GRIN1: variants seen among roughly 807,000 people sequenced by gnomAD.
GRIN1 encodes glutamate ionotropic receptor NMDA type subunit 1.
GRIN1 carries 38 observed loss-of-function variants against 103.0 expected under a neutral mutation model. That is an observed-to-expected ratio of 0.37 (90% CI 0.28 to 0.48). The LOEUF (loss-of-function observed/expected upper bound fraction) is 0.48. GRIN1 is among the 20% of genes least tolerant of loss of function. The probability of loss-of-function intolerance (pLI) is 0.98; values close to 1 mark genes in which losing one functional copy is unlikely to be tolerated. For missense variants in GRIN1, 577 were observed against 1,288.9 expected (o/e 0.45, Z 8.46); for synonymous variants, 544 against 532.7 (o/e 1.02, Z -0.29).
In GRIN1 at chr9:137,162,579, G is replaced by C; in HGVS notation, c.1865-12G>C. On this transcript the variant is annotated splice_polypyrimidine_tract_variant and intron_variant, in intron 13 of 19. Coordinates refer to ENST00000371561, the MANE Select transcript of GRIN1 (RefSeq NM_007327.4). ...CCTCTAGGGTCTGACAGAGCCCCCCGCCCGCCCACAGGCGCCCCCAGAAGC... is the reference window on the plus strand; with the variant it reads ...CCTCTAGGGTCTGACAGAGCCCCCCCCCCGCCCACAGGCGCCCCCAGAAGC... 6.2e-7 allele frequency: 1 copy of C among 1,611,374 alleles called. No homozygotes were observed.
intron 2 of GRIN1, among the ~76,000 whole-genome samples, chr9:137,144,389 TCACG>T (rs1467438757): frequency 2.0e-5 from 3 of 147,396 alleles, no homozygotes; most frequent in African/African-American, 7.6e-5. Context: ...GCGCGGTGGC[TCACG>T]CCTGTAATCC....
intron 4 of GRIN1, among the ~76,000 whole-genome samples, chr9:137,154,347 A>G (rs1407281990): frequency 1.4e-5 from 2 of 147,224 alleles, no homozygotes; most frequent in Admixed American, 1.4e-4. Context: ...CTGGTCTCGA[A>G]CTCCTGGCCT....
intron 3 of GRIN1, chr9:137,148,052 G>A (rs1307963815): frequency 1.5e-5 from 11 of 742,396 alleles, no homozygotes; most frequent in South Asian, 6.7e-5. Flanking sequence ...GTCTGCAGAC[G>A]TGCCGAGGAG....
intron 4 of GRIN1, among the ~76,000 whole-genome samples, chr9:137,153,548 C>T (rs575428102): frequency 1.3e-5 from 2 of 152,196 alleles, no homozygotes; most frequent in South Asian, 2.1e-4. Context: ...TACACACATG[C>T]ACCATGCATA....
rs983954850 is a variant in GRIN1 at position 137,149,020 on chromosome 9, G to T, written c.582G>T (p.Val194=). ...TGCTCACACCGCAGGCAGAGAAGGT[G>T]CTGCAGTTTGACCCAGGGACCAAGA... is the stretch of plus-strand genomic sequence containing the variant. ...LEERESKAEK[V]LQFDPGTKNV... Residue 194 remains valine (V), a synonymous_variant, in exon 4 of 20, where the codon GTG becomes GTT. Coordinates refer to ENST00000371561, the MANE Select transcript of GRIN1 (RefSeq NM_007327.4). 1 of 1,612,098 alleles carries T rather than the reference G, an allele frequency of 6.2e-7. No individual in the cohort carries two copies. The highest frequency in any genetic ancestry group is 1.1e-5 in the South Asian group (1 of 90,850).
chr9:137,163,036 G>A (rs1287064777), intron 15 of GRIN1, 33 bp downstream of exon 15: 3 of 1,518,660 alleles, frequency 2.0e-6, no homozygotes, highest in Non-Finnish European at 2.7e-6. Context: ...GGCGGGGCGG[G>A]ACAGGTGCGG....
intron 18 of GRIN1, 168 bp downstream of exon 18, chr9:137,164,072 C>T (rs1833721119): frequency 6.1e-6 from 5 of 820,064 alleles, no homozygotes; most frequent in Non-Finnish European, 1.0e-5. Context: ...GGGGCAGCAC[C>T]GGTGGGGGGC....
chr9:137,168,745 G>C lies in GRIN1; in HGVS notation c.*1218G>C. The C allele has an allele frequency of 1.2e-6, 1 of 820,330 alleles. No individual in the cohort carries two copies. Among genetic ancestry groups the C allele is most frequent in the Non-Finnish European group, 1.6e-6 (1 of 622,342 alleles). The allele number at this position is 820,330 out of a possible 1,614,324, so 50.8% of individuals were successfully genotyped here. A position where few individuals can be genotyped will look rare whatever the true frequency, so the allele number is the denominator to read the frequency against. ...GTGTATGCAGTGGTGATGCCTAAAGGAATGTCACGCAGTTTTCGGTCTGTG... is the reference window on the plus strand; with the variant it reads ...GTGTATGCAGTGGTGATGCCTAAAGCAATGTCACGCAGTTTTCGGTCTGTG... On this transcript the variant is annotated 3_prime_UTR_variant, in exon 20 of 20. Transcript: ENST00000371561.
chr9:137,144,438 A>G (rs566070686), intron 2 of GRIN1, among the ~76,000 whole-genome samples: 1 of 151,518 alleles, frequency 6.6e-6, no homozygotes, highest in East Asian at 2.0e-4. Flanking sequence ...GCGGATCACG[A>G]GGTCAGGAGA....
chr9:137,156,994 G>A lies in GRIN1; in HGVS notation c.925G>A (p.Val309Met). 6.2e-7 allele frequency: 1 copy of A among 1,612,244 alleles called. No homozygotes were observed. The highest frequency in any genetic ancestry group is 8.5e-7 in the Non-Finnish European group (1 of 1,179,840). ...ENITDPPRGC[V>M]GNTNIWKTGP... ...CATCACCGACCCGCCGCGGGGCTGC[G>A]TGGGCAACACCAACATCTGGAAGAC... The change falls in exon 6 of 20, where the codon GTG becomes ATG. Residue 309 changes from valine to methionine, a missense_variant. Val to Met is a conservative substitution (Grantham distance 21, BLOSUM62 1). Around this residue, in one of 9 missense-constraint regions of GRIN1, gnomAD observed 308 missense variants for 553.6 expected, o/e 0.56. Coordinates refer to ENST00000371561, the MANE Select transcript of GRIN1 (RefSeq NM_007327.4).
At chr9:137,155,180 T>G (rs149551405) in intron 4 of GRIN1, among the ~76,000 whole-genome samples, 1 of 152,376 alleles carries the variant, frequency 6.6e-6, no homozygotes, top group Non-Finnish European at 1.5e-5. Flanking sequence ...TTGCTCCTAA[T>G]CATTCCACCA....
At chr9:137,156,837 G>A in intron 5 of GRIN1, 26 bp from the exon 6 acceptor site, 1 of 1,607,824 alleles carries the variant, frequency 6.2e-7, no homozygotes, top group Non-Finnish European at 8.5e-7. Flanking sequence ...AGGACCCCAC[G>A]GGCTCTGAGT....
intron 1 of GRIN1, among the ~76,000 whole-genome samples, chr9:137,141,641 C>T (rs546944504): frequency 4.7e-4 from 71 of 152,218 alleles, no homozygotes; most frequent in African/African-American, 1.6e-3. Context: ...TCAGGAAGGA[C>T]GGGTGGGTTC....
At chr9:137,165,490 C>T (rs1833822173) in intron 19 of GRIN1, 194 bp downstream of exon 19, 1 of 627,168 alleles carries the variant, frequency 1.6e-6, no homozygotes, top group African/African-American at 1.8e-5. Context: ...CCCGGCCCTC[C>T]TGGGTCCTCG....
At chr9:137,156,216 G>A (rs1366688925) in intron 4 of GRIN1, among the ~76,000 whole-genome samples, 1 of 152,164 alleles carries the variant, frequency 6.6e-6, no homozygotes, top group Non-Finnish European at 1.5e-5. Context: ...AGTGATCAAT[G>A]GTGATCCATT....
intron 6 of GRIN1, 25 bp downstream of exon 6, chr9:137,157,062 G>A (rs1357537944): frequency 6.3e-7 from 1 of 1,589,048 alleles, no homozygotes; most frequent in East Asian, 2.3e-5. Flanking sequence ...CCCGGAGCTG[G>A]GCGGGGCTGC....
In GRIN1 at chr9:137,145,425, C is replaced by T. The variant is rs13291902; in HGVS notation, c.394-301C>T. On this transcript the variant is annotated intron_variant, in intron 2 of 19. Transcript: ENST00000371561. Reference sequence around the variant, plus strand: ...GGTCTAGAAAGTGTCCCCAGGGTGGCAGGGATGGGATGGGAGACACGAGGG... The same window carrying T: ...GGTCTAGAAAGTGTCCCCAGGGTGGTAGGGATGGGATGGGAGACACGAGGG... 1.9e-4 allele frequency among the ~76,000 whole-genome samples: 18 copies of T among 95,074 alleles called. No individual in the cohort carries two copies. In the South Asian group the frequency reaches 5.3e-3, roughly 28 times the overall value. 62.4% of individuals were successfully genotyped at this position (95,074 alleles called of 152,430 possible). A position where few individuals can be genotyped will look rare whatever the true frequency, so the allele number is the denominator to read the frequency against.
chr9:137,142,423 A>G (rs1832227311), intron 2 of GRIN1, among the ~76,000 whole-genome samples: 1 of 152,244 alleles, frequency 6.6e-6, no homozygotes, highest in African/African-American at 2.4e-5. Flanking sequence ...CCCCCAGCCC[A>G]GAGCAGGCCA....
intron 8 of GRIN1, 160 bp downstream of exon 8, chr9:137,158,864 G>A: frequency 1.5e-6 from 1 of 657,196 alleles, no homozygotes; most frequent in Non-Finnish European, 2.7e-6. Flanking sequence ...ACCTGGCACA[G>A]CACAGGAAGC....
Sources: gnomAD v4.1 joint callset for allele counts (sites outside exome capture counted in the v4.1 genomes callset) on GRCh38, gnomAD v4.1.1 for gene constraint, gnomAD v4.1.1 regional missense constraint, MANE v1.5 for transcripts, NCBI Gene and HGNC (gene_info 2026-07-23, HGNC 2026-07-21) for gene names.